DOCK2: variants seen among roughly 807,000 people sequenced by gnomAD.
The protein encoded by DOCK2 is dedicator of cytokinesis 2.
Under a neutral mutation model 248.9 loss-of-function variants are expected in DOCK2, and 87 were observed. The observed-to-expected ratio is 0.35, with a 90% CI of 0.29 to 0.42. The LOEUF (loss-of-function observed/expected upper bound fraction) is 0.42, where lower values mean the gene tolerates loss of function less well. Among genes scored for constraint, DOCK2 ranks in the 10% least tolerant of loss-of-function variants. The probability of loss-of-function intolerance (pLI) is 1.00; values close to 1 mark genes in which losing one functional copy is unlikely to be tolerated. For missense variants in DOCK2, 1,747 were observed against 2,300.2 expected (o/e 0.76, Z 4.92); for synonymous variants, 805 against 821.6 (o/e 0.98, Z 0.35).
chr5:169,752,872 C>T (rs952072818), intron 23 of DOCK2, among the ~76,000 whole-genome samples: 2 of 152,112 alleles, frequency 1.3e-5, no homozygotes, highest in African/African-American at 4.8e-5. Flanking sequence ...TGAGATCAGC[C>T]TGGCCAACAT....
Position 169,699,454 on chromosome 5 carries a change from G to T in DOCK2, c.1128G>T (p.Gly376=). Residue 376 remains glycine (G), a synonymous_variant, in exon 12 of 52, where the codon GGG becomes GGT. Transcript: ENST00000520908. ...TAGCCTCCAAGGGGGACAGTGGAGG[G>T]CAAGGTAAAGTGCCAATATGCCAGT... The part of the protein sequence containing the change: ...KVIASKGDSG[G]QGLWVTMKML... The T allele has an allele frequency of 6.2e-7, 1 of 1,612,280 alleles. No homozygotes were observed.
intron 32 of DOCK2, among the ~76,000 whole-genome samples, chr5:170,013,748 T>A (rs1488254842): frequency 6.6e-6 from 1 of 152,152 alleles, no homozygotes; most frequent in Admixed American, 6.5e-5. Flanking sequence ...TGTACTGTTT[T>A]AATTTACTAA....
At chr5:169,870,395 A>T (rs1333631927) in intron 27 of DOCK2, among the ~76,000 whole-genome samples, 1 of 152,168 alleles carries the variant, frequency 6.6e-6, no homozygotes, top group Non-Finnish European at 1.5e-5. Context: ...AATAGCAAAA[A>T]ATAGATAAGC....
chr5:170,067,128 A>G (rs1249121081), intron 44 of DOCK2, among the ~76,000 whole-genome samples: 1 of 152,194 alleles, frequency 6.6e-6, no homozygotes, highest in Non-Finnish European at 1.5e-5. Context: ...GGGTGCCCAC[A>G]TCGCAAGCTG....
intron 10 of DOCK2, 102 bp from the exon 11 acceptor site, chr5:169,698,272 G>C: frequency 8.5e-7 from 1 of 1,181,512 alleles, no homozygotes; most frequent in Non-Finnish European, 1.2e-6. Flanking sequence ...TGACCCCCAG[G>C]CATCCCAGGC....
intron 26 of DOCK2, among the ~76,000 whole-genome samples, chr5:169,830,630 A>AT (rs1270982319): frequency 6.6e-6 from 1 of 152,156 alleles, no homozygotes; most frequent in Non-Finnish European, 1.5e-5. Context: ...AGGAGGCTTA[A>AT]TTTTTTCTGC....
intron 6 of DOCK2, among the ~76,000 whole-genome samples, chr5:169,679,371 G>A (rs2113342030): frequency 6.6e-6 from 1 of 152,208 alleles, no homozygotes; most frequent in Non-Finnish European, 1.5e-5. Flanking sequence ...AAAATTCATG[G>A]TGGCTGCATT....
chr5:170,077,479 A>C (rs1757874568), intron 47 of DOCK2, among the ~76,000 whole-genome samples: 1 of 152,248 alleles, frequency 6.6e-6, no homozygotes, highest in Non-Finnish European at 1.5e-5. Context: ...CTACTATCAC[A>C]TAGGAAATTC....
At chr5:170,044,679 G>T (rs1331502860) in intron 38 of DOCK2, among the ~76,000 whole-genome samples, 1 of 152,186 alleles carries the variant, frequency 6.6e-6, no homozygotes, top group African/African-American at 2.4e-5. Context: ...TTTTTATGCT[G>T]CTTGCTGAGC....
intron 26 of DOCK2, among the ~76,000 whole-genome samples, chr5:169,822,311 A>G (rs1210333388): frequency 2.0e-5 from 3 of 152,246 alleles, no homozygotes; most frequent in Admixed American, 1.3e-4. Flanking sequence ...TCAACAGAAT[A>G]TACATTCTTT....
At chr5:169,774,633 G>T (rs1481847397) in intron 25 of DOCK2, among the ~76,000 whole-genome samples, 1 of 152,160 alleles carries the variant, frequency 6.6e-6, no homozygotes, top group Admixed American at 6.5e-5. Flanking sequence ...TTAAATTTGA[G>T]CTCACACATG....
intron 26 of DOCK2, among the ~76,000 whole-genome samples, chr5:169,815,908 A>T (rs1025218627): frequency 6.6e-6 from 1 of 152,196 alleles, no homozygotes; most frequent in Non-Finnish European, 1.5e-5. Context: ...GGGCTGCGGA[A>T]GATTTCTGTC....
At chr5:169,770,290 C>CTTTT (rs60938799) in intron 25 of DOCK2, among the ~76,000 whole-genome samples, 21 of 101,638 alleles carry the variant, frequency 2.1e-4, no homozygotes, top group African/African-American at 4.4e-4. Context: ...ATTCTTGAGT[C>CTTTT]TTTTTTTTTT....
In DOCK2 at chr5:169,716,253, T is replaced by G; in HGVS notation, c.1982T>G (p.Met661Arg). 6.2e-7 allele frequency: 1 copy of G among 1,613,854 alleles called. No individual in the cohort carries two copies. Among genetic ancestry groups the G allele is most frequent in the Non-Finnish European group, 8.5e-7 (1 of 1,179,764 alleles). ...CTGGATGCCCTCTTCAACATCATGA[T>G]GGAGCATTCTCAAAGTGATGAATAT... is the stretch of plus-strand genomic sequence containing the variant. Reference protein sequence around the residue: ...DTLDALFNIMMEHSQSDEYDI... With the variant: ...DTLDALFNIMREHSQSDEYDI... The change falls in exon 20 of 52, where the codon ATG (methionine) becomes AGG (arginine). Residue 661 changes from methionine to arginine, a missense_variant. Coordinates refer to ENST00000520908, the MANE Select transcript of DOCK2 (RefSeq NM_004946.3).
At chr5:169,699,770 C>T (rs1760854665) in intron 12 of DOCK2, among the ~76,000 whole-genome samples, 1 of 152,194 alleles carries the variant, frequency 6.6e-6, no homozygotes, top group African/African-American at 2.4e-5. Context: ...GTGTTGTCAT[C>T]CTCACTTTGG....
chr5:169,829,765 G>A (rs1035286000), intron 26 of DOCK2, among the ~76,000 whole-genome samples: 4 of 152,152 alleles, frequency 2.6e-5, no homozygotes, highest in African/African-American at 9.7e-5. Flanking sequence ...ATTTATTTGG[G>A]GAGGTTTTTT....
At chr5:169,785,179 A>T (rs1765919948) in intron 25 of DOCK2, among the ~76,000 whole-genome samples, 1 of 152,222 alleles carries the variant, frequency 6.6e-6, no homozygotes, top group Admixed American at 6.5e-5. Flanking sequence ...ATCAGCAGCC[A>T]ATCTAATTTC....
chr5:169,934,021 G>A (rs546226852), intron 27 of DOCK2, among the ~76,000 whole-genome samples: 112 of 152,252 alleles, frequency 7.4e-4, no homozygotes, highest in Non-Finnish European at 1.5e-3. Flanking sequence ...AAGCATTTAG[G>A]GCAGAGCATG....
intron 27 of DOCK2, chr5:169,934,948 G>A (rs535714809): frequency 4.8e-5 from 15 of 311,228 alleles, no homozygotes; most frequent in African/African-American, 2.7e-4. Context: ...AAGTGATTGT[G>A]CTATGCTGGA....
Sources: allele counts gnomAD v4.1 joint callset (sites outside exome capture counted in the v4.1 genomes callset), GRCh38; gene constraint gnomAD v4.1.1; transcripts MANE v1.5; gene names NCBI Gene and HGNC (gene_info 2026-07-23, HGNC 2026-07-21).